Variants in PFKP observed in about 807,000 individuals in gnomAD.
PFKP encodes the protein ATP-dependent 6-phosphofructokinase, platelet type.
Under a neutral mutation model 94.3 loss-of-function variants are expected in PFKP, and 101 were observed. That is an observed-to-expected ratio of 1.07 (90% CI 0.91 to 1.26). The LOEUF (loss-of-function observed/expected upper bound fraction) is 1.26, where lower values mean the gene tolerates loss of function less well. Ranked by LOEUF, PFKP falls within the 50% of genes most tolerant of loss-of-function variation. The pLI is 0.00. For missense variants in PFKP, 1,145 were observed against 1,103.3 expected (o/e 1.04, Z -0.53); for synonymous variants, 573 against 432.6 (o/e 1.32, Z -4.03).
At chr10:3,097,950 A>C (rs1834625959) in intron 2 of PFKP, among the ~76,000 whole-genome samples, 2 of 152,168 alleles carry the variant, frequency 1.3e-5, no homozygotes, top group South Asian at 4.1e-4. Flanking sequence ...TGTAAGTTGC[A>C]GTGAGCCGAG....
At chr10:3,108,127 A>G (rs1588487684) in intron 8 of PFKP, 6 of 769,536 alleles carry the variant, frequency 7.8e-6, no homozygotes, top group Non-Finnish European at 9.3e-6. Flanking sequence ...TTTCCCGCTT[A>G]ACTGTAATTA....
intron 16 of PFKP, among the ~76,000 whole-genome samples, chr10:3,120,510 A>C (rs929080005): frequency 6.6e-6 from 1 of 152,164 alleles, no homozygotes; most frequent in African/African-American, 2.4e-5. Context: ...ATTGCCCTGA[A>C]TGCACCATTG....
At chr10:3,132,734 C>T (rs1838738325) in intron 18 of PFKP, among the ~76,000 whole-genome samples, 1 of 151,184 alleles carries the variant, frequency 6.6e-6, no homozygotes, top group Non-Finnish European at 1.5e-5. Context: ...TCCCTCTTAG[C>T]CTCAGGGACT....
At position 3,129,916 on chromosome 10, in the gene PFKP, G is replaced by C. The variant is rs368735525; in HGVS notation, c.1781G>C (p.Gly594Ala). 1 of 1,612,374 alleles carries C rather than the reference G, an allele frequency of 6.2e-7. No individual in the cohort carries two copies. The stretch of plus-strand genomic sequence containing the variant: ...TACTGTGGCTACCTGGCCAACATGG[G>C]GGGGCTCGCGGCCGGAGCTGATGCC... ...GGYCGYLANM[G>A]GLAAGADAAY... The change falls in exon 17 of 22, where the codon GGG becomes GCG. Residue 594 changes from glycine to alanine, a missense_variant. Transcript: ENST00000381125.
chr10:3,135,037 C>T (rs1293628037), intron 20 of PFKP, among the ~76,000 whole-genome samples: 1 of 151,868 alleles, frequency 6.6e-6, no homozygotes, highest in East Asian at 1.9e-4. Context: ...CATGTTCTTC[C>T]TTAAATCAGT....
At chr10:3,068,311 G>T (rs1022689100) in intron 1 of PFKP, among the ~76,000 whole-genome samples, 1 of 152,152 alleles carries the variant, frequency 6.6e-6, no homozygotes, top group Non-Finnish European at 1.5e-5. Flanking sequence ...GGACGCGGCG[G>T]GGGTGCGCGG....
At chr10:3,083,990 C>T (rs1833289494) in intron 2 of PFKP, among the ~76,000 whole-genome samples, 1 of 152,228 alleles carries the variant, frequency 6.6e-6, no homozygotes, top group African/African-American at 2.4e-5. Flanking sequence ...ATTGATGTCT[C>T]ATCATTTATG....
chr10:3,134,164 G>A (rs114445429), intron 19 of PFKP, among the ~76,000 whole-genome samples: 8 of 152,196 alleles, frequency 5.3e-5, no homozygotes, highest in Non-Finnish European at 8.8e-5. Flanking sequence ...AATCCACAAC[G>A]GTTATCAGAT....
intron 16 of PFKP, among the ~76,000 whole-genome samples, chr10:3,127,408 G>A (rs576787696): frequency 4.6e-5 from 7 of 152,324 alleles, no homozygotes; most frequent in Non-Finnish European, 7.3e-5. Flanking sequence ...GCCATTAAGC[G>A]GTTGATGTCA....
In PFKP at chr10:3,108,790, CT is replaced by C. The variant is rs1482516726; in HGVS notation, c.962del (p.Leu321TrpfsTer14). 1.1e-5 allele frequency: 17 copies of C among 1,608,170 alleles called. No homozygotes were observed. Among genetic ancestry groups the C allele is most frequent in the Non-Finnish European group, 1.4e-5 (17 of 1,174,624 alleles). On this transcript the variant is annotated frameshift_variant and splice_region_variant, in exon 9 of 22. Coordinates refer to ENST00000381125, the MANE Select transcript of PFKP (RefSeq NM_002627.5). LOFTEE classifies it high-confidence loss of function. ...GGACCCCTTCGGCATTCGACAGGAT[CT>C]TGGTGAGTTGGGAAGGGTTGGGCAT... ...GGTPSAFDRILASRMGVEAVI... is the reference protein window; with the variant it reads ...GGTPSAFDRIXASRMGVEAVI...
chr10:3,104,357 C>T (rs377072428), intron 5 of PFKP, among the ~76,000 whole-genome samples: 10 of 152,216 alleles, frequency 6.6e-5, no homozygotes, highest in South Asian at 2.1e-4. Context: ...GCGTTTGATC[C>T]GAGGTGCTCT....
chr10:3,120,662 T>C (rs925671536), intron 16 of PFKP, among the ~76,000 whole-genome samples: 2 of 151,912 alleles, frequency 1.3e-5, no homozygotes, highest in African/African-American at 4.9e-5. Context: ...AAATATATTC[T>C]TCTTTTTTTC....
intron 2 of PFKP, among the ~76,000 whole-genome samples, chr10:3,098,100 G>T (rs896822664): frequency 2.6e-5 from 4 of 152,264 alleles, no homozygotes; most frequent in East Asian, 1.9e-4. Context: ...CTATCAAGGT[G>T]CCTGCACTAT....
At chr10:3,124,700 C>A (rs1259735352) in intron 16 of PFKP, among the ~76,000 whole-genome samples, 1 of 152,216 alleles carries the variant, frequency 6.6e-6, no homozygotes, top group African/African-American at 2.4e-5. Context: ...TGCCTGCCTG[C>A]AGAAAGCTAC....
intron 1 of PFKP, chr10:3,068,515 A>C: frequency 4.9e-6 from 1 of 206,160 alleles, no homozygotes; most frequent in Non-Finnish European, 8.5e-6. Context: ...GGACTCCGGG[A>C]TGTCAGCGGC....
intron 1 of PFKP, chr10:3,069,379 G>C (rs769351041): frequency 2.4e-5 from 38 of 1,589,712 alleles, no homozygotes; most frequent in Non-Finnish European, 3.2e-5. Flanking sequence ...AACCGGCCCG[G>C]AGATGTGCGG....
chr10:3,103,269 G>A (rs1431719261), intron 4 of PFKP, among the ~76,000 whole-genome samples: 1 of 152,220 alleles, frequency 6.6e-6, no homozygotes, highest in African/African-American at 2.4e-5. Flanking sequence ...CCAGGTGACA[G>A]AGTCCATTGT....
At chr10:3,080,495 A>C (rs1270639592) in intron 1 of PFKP, among the ~76,000 whole-genome samples, 25 of 129,026 alleles carry the variant, frequency 1.9e-4, no homozygotes, top group Admixed American at 5.7e-4. Context: ...CCAGCCTGGG[A>C]GACAGAGCGA....
At chr10:3,114,457 TTG>T (rs375220143) in intron 13 of PFKP, among the ~76,000 whole-genome samples, 1 of 152,132 alleles carries the variant, frequency 6.6e-6, no homozygotes, top group African/African-American at 2.4e-5. Flanking sequence ...GCCTCCTACT[TTG>T]TGGAATTCTT....
Sources: gnomAD v4.1 joint callset for allele counts (sites outside exome capture counted in the v4.1 genomes callset) on GRCh38, gnomAD v4.1.1 for gene constraint, MANE v1.5 for transcripts, NCBI Gene and HGNC (gene_info 2026-07-23, HGNC 2026-07-21) for gene names.